Variants in WDR59 observed in about 807,000 individuals in gnomAD.
WDR59 encodes the protein GATOR2 complex protein WDR59.
In WDR59, 100 loss-of-function variants were observed where a neutral mutation model predicts 131.2. The observed-to-expected ratio is 0.76, with a 90% confidence interval of 0.65 to 0.90. The LOEUF is 0.90. Ranked by LOEUF, WDR59 falls within the 40% of genes least tolerant of loss-of-function variation. The pLI is 0.00. For synonymous variants in WDR59, 601 were observed against 466.2 expected (o/e 1.29, Z -3.72); for missense variants, 1,203 against 1,262.2 (o/e 0.95, Z 0.71).
intron 4 of WDR59, 143 bp from the exon 5 acceptor site, chr16:74,949,941 A>C: frequency 1.3e-6 from 1 of 782,530 alleles, no homozygotes; most frequent in Non-Finnish European, 2.2e-6. Context: ...GAGAATCTCC[A>C]AAGTTCCTTG....
chr16:74,942,206 T>C (rs1253421961), intron 7 of WDR59, among the ~76,000 whole-genome samples: 1 of 152,152 alleles, frequency 6.6e-6, no homozygotes. Flanking sequence ...ATGAGTGATA[T>C]GCACAATACT....
At chr16:74,911,424 G>C (rs987867685) in intron 14 of WDR59, among the ~76,000 whole-genome samples, 1 of 152,192 alleles carries the variant, frequency 6.6e-6, no homozygotes, top group East Asian at 1.9e-4. Context: ...CAAAAAATGA[G>C]CAACATTCAG....
chr16:74,972,348 TTA>T (rs1457268560), intron 1 of WDR59, among the ~76,000 whole-genome samples: 7 of 152,132 alleles, frequency 4.6e-5, no homozygotes, highest in African/African-American at 1.7e-4. Flanking sequence ...CTGTCCTCGT[TTA>T]AAAAATTTCT....
chr16:74,895,354 C>T (rs111647434), intron 18 of WDR59, among the ~76,000 whole-genome samples: 1,890 of 152,216 alleles, frequency 0.012, 40 homozygotes, highest in African/African-American at 0.043. Context: ...TCTCCGCCTC[C>T]GGGGTTCAAG....
At chr16:74,911,453 G>C (rs1193994775) in intron 14 of WDR59, among the ~76,000 whole-genome samples, 1 of 152,204 alleles carries the variant, frequency 6.6e-6, no homozygotes, top group Non-Finnish European at 1.5e-5. Context: ...GAGTTTGTCA[G>C]AATACTTCAG....
rs992954546 is a variant in WDR59, at chr16:74,888,094, G to A, written c.2346+75C>T. On this transcript the variant is annotated intron_variant, in intron 22 of 25. Coordinates refer to ENST00000262144, the MANE Select transcript of WDR59 (RefSeq NM_030581.4). ...GATCATGCCATTGCACTCCAGCCTGGGCAACAAAGTAAAACTCCGTCTCAA... is the reference window on the plus strand; with the variant it reads ...GATCATGCCATTGCACTCCAGCCTGAGCAACAAAGTAAAACTCCGTCTCAA... 3.4e-6 allele frequency: 5 copies of A among 1,483,272 alleles called. No individual in the cohort carries two copies. In the South Asian group the frequency reaches 4.2e-5, roughly 12 times the overall value. 91.9% of individuals were successfully genotyped at this position (1,483,272 alleles called of 1,614,324 possible).
chr16:74,923,211 T>C (rs934588552), intron 9 of WDR59, among the ~76,000 whole-genome samples: 5 of 152,226 alleles, frequency 3.3e-5, no homozygotes, highest in Non-Finnish European at 4.4e-5. Flanking sequence ...AGGAAATTTC[T>C]GCTCAAAAAC....
rs1240287735 is a variant in WDR59 at position 74,873,531 on chromosome 16, T to C, written c.*678A>G. The C allele has an allele frequency of 1.3e-5, 2 of 152,030 alleles. No homozygotes were observed. Among genetic ancestry groups the C allele is most frequent in the African/African-American group, 4.8e-5 (2 of 41,410 alleles). 9.4% of individuals were successfully genotyped at this position (152,030 alleles called of 1,614,324 possible). A position where few individuals can be genotyped will look rare whatever the true frequency, so the allele number is the denominator to read the frequency against. On this transcript the variant is annotated 3_prime_UTR_variant, in exon 26 of 26. Transcript: ENST00000262144. ...TTTGGTCCTATTCAAAATAGCTACC[T>C]TCAATTAGAATTAGGGTAAAAAATG... is the stretch of plus-strand genomic sequence containing the variant.
In WDR59 at chr16:74,909,838, C is replaced by T; in HGVS notation, c.1469G>A (p.Cys490Tyr). Residue 490 changes from cysteine (C) to tyrosine (Y), a missense_variant, in exon 15 of 26, where the codon TGC (cysteine) becomes TAC (tyrosine). By Grantham distance (194) the Cys-to-Tyr change is radical. Transcript: ENST00000262144. ...GCTTCCCACCACAAAGGACTCAAGG[C>T]AGGAGACGAGCTGGCGCAGGCAGGG... is the stretch of plus-strand genomic sequence containing the variant. ...LEPCLRQLVS[C>Y]LESFVNQEDS... 6.2e-7 allele frequency: 1 copy of T among 1,612,560 alleles called. No individual in the cohort carries two copies.
At chr16:74,905,912 G>A (rs73603949) in intron 17 of WDR59, among the ~76,000 whole-genome samples, 2,447 of 151,924 alleles carry the variant, frequency 0.016, 52 homozygotes, top group African/African-American at 0.056. Flanking sequence ...CCCCCAAAAT[G>A]GGCAAAATAC....
intron 6 of WDR59, among the ~76,000 whole-genome samples, chr16:74,948,266 C>A (rs2032771168): frequency 6.6e-6 from 1 of 152,210 alleles, no homozygotes; most frequent in Non-Finnish European, 1.5e-5. Flanking sequence ...ATCATCTTGG[C>A]TCTTGTCCTT....
chr16:74,956,889 C>T (rs2033317471), intron 2 of WDR59, among the ~76,000 whole-genome samples: 1 of 152,060 alleles, frequency 6.6e-6, no homozygotes, highest in Admixed American at 6.6e-5. Flanking sequence ...TCCAACCTGC[C>T]CTTCTCCCAG....
intron 6 of WDR59, among the ~76,000 whole-genome samples, chr16:74,948,204 C>T (rs1473245091): frequency 6.6e-6 from 1 of 152,160 alleles, no homozygotes; most frequent in African/African-American, 2.4e-5. Context: ...TTTTCTTCTC[C>T]CTATTTTTAC....
chr16:74,933,867 G>A (rs907034144), intron 8 of WDR59, among the ~76,000 whole-genome samples: 1 of 152,214 alleles, frequency 6.6e-6, no homozygotes. Flanking sequence ...TTACAGGCGT[G>A]AGCCACCGCA....
rs112626740 is a variant in WDR59, at chr16:74,981,106, C to T, written c.54+3858G>A. Reference sequence around the variant, plus strand: ...AAAGGCCGGGTGCGGTGGCTCACGCCTGTAATCCCAGCACTTTGGGAGGCT... The same window carrying T: ...AAAGGCCGGGTGCGGTGGCTCACGCTTGTAATCCCAGCACTTTGGGAGGCT... On this transcript the variant is annotated intron_variant, in intron 1 of 25. Transcript: ENST00000262144. Among the ~76,000 whole-genome samples, 460 of 151,854 alleles carry T rather than the reference C, an allele frequency of 3.0e-3. 1 individual carries two copies. Among genetic ancestry groups the T allele is most frequent in the Non-Finnish European group, 4.5e-3 (306 of 67,942 alleles).
intron 25 of WDR59, among the ~76,000 whole-genome samples, chr16:74,875,878 G>A (rs377461127): frequency 4.1e-4 from 62 of 152,162 alleles, no homozygotes; most frequent in Non-Finnish European, 7.6e-4. Context: ...CTTCATACAC[G>A]CGATCACCAA....
chr16:74,914,530 T>C (rs1966266283), intron 13 of WDR59, among the ~76,000 whole-genome samples: 1 of 152,120 alleles, frequency 6.6e-6, no homozygotes, highest in African/African-American at 2.4e-5. Context: ...CCTTGGACAT[T>C]TCTTCTCTTG....
chr16:74,923,369 C>T (rs998328872), intron 9 of WDR59, among the ~76,000 whole-genome samples: 3 of 152,104 alleles, frequency 2.0e-5, no homozygotes, highest in African/African-American at 4.8e-5. Flanking sequence ...ACCCTGCTGC[C>T]GGCCCTACCA....
chr16:74,957,058 A>G (rs2033325712), intron 2 of WDR59, among the ~76,000 whole-genome samples: 1 of 150,598 alleles, frequency 6.6e-6, no homozygotes, highest in South Asian at 2.1e-4. Flanking sequence ...AGAATGAACT[A>G]TGTCTTGAAT....
Sources: allele counts gnomAD v4.1 joint callset (sites outside exome capture counted in the v4.1 genomes callset), GRCh38; gene constraint gnomAD v4.1.1; transcripts MANE v1.5; gene names NCBI Gene and HGNC (gene_info 2026-07-23, HGNC 2026-07-21).